PMPCB: variants seen among roughly 807,000 people sequenced by gnomAD.
The protein encoded by PMPCB is peptidase, mitochondrial processing subunit beta.
PMPCB carries 46 observed loss-of-function variants against 61.5 expected under a neutral mutation model. The ratio of observed to expected loss-of-function variants is 0.75; its 90% CI spans 0.59 to 0.96. PMPCB has a LOEUF of 0.96. Ranked by LOEUF, PMPCB falls within the 40% of genes least tolerant of loss-of-function variation. The probability of loss-of-function intolerance (pLI) is 0.00; values close to 1 mark genes in which losing one functional copy is unlikely to be tolerated. For missense variants in PMPCB, 590 were observed against 602.4 expected (o/e 0.98, Z 0.22); for synonymous variants, 191 against 201.6 (o/e 0.95, Z 0.44).
intron 12 of PMPCB, chr7:103,321,972 G>A (rs1186158558): frequency 6.2e-7 from 1 of 1,613,306 alleles, no homozygotes; most frequent in Admixed American, 1.7e-5. Flanking sequence ...CTTCTTAATG[G>A]CTTTTTTCTG....
At chr7:103,319,566 TTAAATGCTACA>T, downstream of PMPCB, 1 of 1,585,382 alleles carries the variant, frequency 6.3e-7, no homozygotes, top group Non-Finnish European at 8.7e-7. Context: ...CAAAGCAGAA[TTAAATGCTACA>T]TATAGGTAGG....
intron 2 of PMPCB, 95 bp from the exon 3 acceptor site, chr7:103,299,348 C>T (rs950286557): frequency 5.7e-6 from 4 of 697,880 alleles, no homozygotes; most frequent in African/African-American, 1.8e-5. Flanking sequence ...AGTGTTAAGA[C>T]CAGAAAGCAT....
chr7:103,337,542 T>A, the PMPCB span: 1 of 533,836 alleles, frequency 1.9e-6, no homozygotes, highest in Non-Finnish European at 3.3e-6. Context: ...GGAAAGTCTA[T>A]ATGTAAAATG....
chr7:103,336,403 G>A, the PMPCB span: 1 of 152,336 alleles, frequency 6.6e-6, no homozygotes, highest in Admixed American at 6.5e-5. Context: ...GAGCGCAATG[G>A]TGCGACCTCG....
intron 12 of PMPCB, among the ~76,000 whole-genome samples, chr7:103,321,587 C>T (rs1818416659): frequency 6.6e-6 from 1 of 151,502 alleles, no homozygotes; most frequent in South Asian, 2.1e-4. Flanking sequence ...GTGGCTCATG[C>T]CTGTAGTCCC....
intron 12 of PMPCB, among the ~76,000 whole-genome samples, chr7:103,320,665 A>T (rs1818337763): frequency 4.0e-5 from 6 of 150,368 alleles, no homozygotes. Flanking sequence ...CATGGCGTGA[A>T]CCCAGGAGGC....
chr7:103,339,359 C>T, the PMPCB span, among the ~76,000 whole-genome samples: 1 of 152,132 alleles, frequency 6.6e-6, no homozygotes, highest in Non-Finnish European at 1.5e-5. Context: ...ATACCAAAGA[C>T]CTTCTCCCTC....
downstream of PMPCB, chr7:103,315,832 T>C (rs527528677): frequency 3.6e-5 from 58 of 1,613,850 alleles, no homozygotes; most frequent in African/African-American, 4.5e-4. Context: ...TTTGAACTTA[T>C]CAAATGCCTT....
At chr7:103,325,994 G>C (rs1439935230) in intron 12 of PMPCB, among the ~76,000 whole-genome samples, 1 of 151,974 alleles carries the variant, frequency 6.6e-6, no homozygotes, top group Non-Finnish European at 1.5e-5. Flanking sequence ...TTCTCTCAAA[G>C]CAAAATTTTT....
At chr7:103,329,094 T>C in exon 13 of PMPCB, 1 of 839,190 alleles carries the variant, frequency 1.2e-6, no homozygotes, top group Non-Finnish European at 1.6e-6. Context: ...CAACAATTTT[T>C]TTGTTTTTCA....
At chr7:103,337,907 A>G in the PMPCB span, 6 of 862,538 alleles carry the variant, frequency 7.0e-6, 1 homozygote, top group Non-Finnish European at 9.3e-6. Flanking sequence ...TCCCAAAGTG[A>G]CATTTCATCA....
chr7:103,333,870 C>T (rs1221771393), downstream of PMPCB, among the ~76,000 whole-genome samples: 1 of 151,994 alleles, frequency 6.6e-6, no homozygotes, highest in Non-Finnish European at 1.5e-5. Context: ...AAATATATAG[C>T]AGTTTGCTTA....
intron 8 of PMPCB, among the ~76,000 whole-genome samples, chr7:103,309,751 G>A (rs547680128): frequency 1.3e-5 from 2 of 152,282 alleles, no homozygotes; most frequent in East Asian, 3.9e-4. Flanking sequence ...ACATACTAAA[G>A]TATTTGGGGC....
chr7:103,315,380 T>C (rs981787005), downstream of PMPCB, among the ~76,000 whole-genome samples: 1 of 152,190 alleles, frequency 6.6e-6, no homozygotes, highest in Non-Finnish European at 1.5e-5. Flanking sequence ...TGATGCCTCT[T>C]TATTCCTTAA....
At position 103,310,367 on chromosome 7, in the gene PMPCB, GCTTT is replaced by G; in HGVS notation, c.1048_1051del (p.Phe350SerfsTer54). 1 of 1,613,578 alleles carries G rather than the reference GCTTT, an allele frequency of 6.2e-7. No homozygotes were observed. Among genetic ancestry groups the G allele is most frequent in the Non-Finnish European group, 8.5e-7 (1 of 1,179,608 alleles). On this transcript the variant is annotated frameshift_variant, in exon 9 of 13. Transcript: ENST00000249269. LOFTEE classifies it high-confidence loss of function. ...ACTTGTCATGGCAATCTTTGCCATA[GCTTT>G]CAGTCTTTCAACACTTCCTACACAG...
chr7:103,297,470 C>T lies in PMPCB; in HGVS notation c.11C>T (p.Ala4Val), dbSNP rs577306260. 15 of 1,542,858 alleles carry T rather than the reference C, an allele frequency of 9.7e-6. No individual in the cohort carries two copies. The South Asian group carries it at 1.2e-4, about 13-fold the overall frequency. MAA[A>V]AARVVLSSAA... is the part of the protein sequence containing the mutation. ...TTCCTTCTAGCAGAAATGGCGGCTG[C>T]GGCGGCTCGAGTGGTGTTGTCATCC... Residue 4 changes from alanine (A) to valine (V), a missense_variant, in exon 1 of 13, where the codon GCG (alanine) becomes GTG (valine). Ala to Val is a moderately conservative substitution (Grantham distance 64). Transcript: ENST00000249269.
At chr7:103,340,766 C>T in the PMPCB span, among the ~76,000 whole-genome samples, 1 of 152,246 alleles carries the variant, frequency 6.6e-6, no homozygotes, top group African/African-American at 2.4e-5. Context: ...CAATTCCTCA[C>T]AGCAACCACC....
chr7:103,327,052 G>A (rs1334384064), intron 12 of PMPCB, among the ~76,000 whole-genome samples: 1 of 152,190 alleles, frequency 6.6e-6, no homozygotes, highest in Admixed American at 6.5e-5. Context: ...CTGGCAAAGA[G>A]TAAATATGAA....
At chr7:103,330,292 A>AT (rs943691004), downstream of PMPCB, among the ~76,000 whole-genome samples, 64 of 147,974 alleles carry the variant, frequency 4.3e-4, no homozygotes, top group South Asian at 1.5e-3. Flanking sequence ...TTGTTATTTT[A>AT]TTTTTTTTTT....
Sources: allele counts gnomAD v4.1 joint callset (sites outside exome capture counted in the v4.1 genomes callset), GRCh38; gene constraint gnomAD v4.1.1; transcripts MANE v1.5; gene names NCBI Gene and HGNC (gene_info 2026-07-23, HGNC 2026-07-21).